Variants in IMMP2L observed in about 807,000 individuals in gnomAD.
IMMP2L encodes the protein mitochondrial inner membrane protease subunit 2.
In IMMP2L, 18 loss-of-function variants were observed where a neutral mutation model predicts 19.3. The observed-to-expected ratio is 0.93, with a 90% CI of 0.64 to 1.38. The LOEUF (loss-of-function observed/expected upper bound fraction) is 1.38, where lower values mean the gene tolerates loss of function less well. Among genes scored for constraint, IMMP2L ranks in the 40% most tolerant of loss-of-function variants. The pLI is 0.00. For synonymous variants in IMMP2L, 76 were observed against 73.0 expected (o/e 1.04, Z -0.21); for missense variants, 233 against 218.2 (o/e 1.07, Z -0.43).
intron 3 of IMMP2L, among the ~76,000 whole-genome samples, chr7:111,038,007 T>C (rs1234772710): frequency 1.3e-5 from 2 of 152,170 alleles, no homozygotes; most frequent in Non-Finnish European, 2.9e-5. Context: ...CTCTGTCCCA[T>C]AGGCCAGTGT....
At chr7:111,477,174 A>G (rs570191010) in intron 3 of IMMP2L, among the ~76,000 whole-genome samples, 56 of 152,266 alleles carry the variant, frequency 3.7e-4, no homozygotes, top group African/African-American at 1.3e-3. Flanking sequence ...TAATATTTAT[A>G]TATCCATTTC....
chr7:111,551,985 G>C (rs550392515), intron 1 of IMMP2L, among the ~76,000 whole-genome samples: 2 of 152,256 alleles, frequency 1.3e-5, no homozygotes, highest in African/African-American at 4.8e-5. Flanking sequence ...AGATGCTCTA[G>C]AATGAAACCT....
At chr7:111,143,790 A>G (rs1803184487) in intron 3 of IMMP2L, among the ~76,000 whole-genome samples, 1 of 152,140 alleles carries the variant, frequency 6.6e-6, no homozygotes, top group African/African-American at 2.4e-5. Flanking sequence ...TCTACGTGAG[A>G]AAATGCATTC....
intron 5 of IMMP2L, among the ~76,000 whole-genome samples, chr7:110,880,826 G>A (rs1488377463): frequency 2.0e-5 from 3 of 151,882 alleles, no homozygotes; most frequent in Non-Finnish European, 4.4e-5. Context: ...GTAATTAAAC[G>A]GCCCAAAGGA....
At chr7:111,200,285 A>G (rs115415939) in intron 3 of IMMP2L, among the ~76,000 whole-genome samples, 1 of 152,254 alleles carries the variant, frequency 6.6e-6, no homozygotes, top group African/African-American at 2.4e-5. Flanking sequence ...AGCATAATCT[A>G]ATCTTTCAAA....
At chr7:110,800,563 G>A (rs1801171890) in intron 5 of IMMP2L, among the ~76,000 whole-genome samples, 3 of 152,148 alleles carry the variant, frequency 2.0e-5, no homozygotes, top group South Asian at 4.1e-4. Flanking sequence ...TAAGAAGAAG[G>A]AATCATAGTT....
chr7:110,714,374 A>G (rs4730449), intron 5 of IMMP2L, among the ~76,000 whole-genome samples: 31,878 of 152,128 alleles, frequency 0.21, 3,552 homozygotes, highest in Admixed American at 0.26. Flanking sequence ...AGCATAGGCA[A>G]TGAGTTTCTC....
At chr7:111,243,762 C>A (rs374376292) in intron 3 of IMMP2L, among the ~76,000 whole-genome samples, 1 of 65,626 alleles carries the variant, frequency 1.5e-5, no homozygotes, top group African/African-American at 6.3e-5. Context: ...TGAGAATATG[C>A]GGTGTTTGGT....
chr7:111,131,025 T>A (rs1057317515), intron 3 of IMMP2L, among the ~76,000 whole-genome samples: 1 of 151,966 alleles, frequency 6.6e-6, no homozygotes, highest in Non-Finnish European at 1.5e-5. Flanking sequence ...TTAAAAAAAA[T>A]TACATATAAA....
At chr7:111,317,505 A>G (rs2130423781) in intron 3 of IMMP2L, among the ~76,000 whole-genome samples, 1 of 152,256 alleles carries the variant, frequency 6.6e-6, no homozygotes, top group South Asian at 2.1e-4. Context: ...GATATTCAGT[A>G]TTTTGAAGAT....
rs1351053610 is a variant in IMMP2L at position 110,760,863 on chromosome 7, T to G, written c.409-97142A>C. 6.6e-6 allele frequency among the ~76,000 whole-genome samples: 1 copy of G among 152,190 alleles called. No individual in the cohort carries two copies. The highest frequency in any genetic ancestry group is 2.4e-5 in the African/African-American group (1 of 41,546). ...GCACCTCACAAAGGTCATGCAGACC[T>G]TAGAGGAAATTATGGCCCAACAAGC... On this transcript the variant is annotated intron_variant, in intron 5 of 5. Transcript: ENST00000405709. This position sits in a 1 kb window ranked among gnomAD's most constrained non-coding sequence, Gnocchi z 4.2.
intron 3 of IMMP2L, among the ~76,000 whole-genome samples, chr7:111,304,360 A>G (rs1822593100): frequency 6.6e-6 from 1 of 151,956 alleles, no homozygotes; most frequent in African/African-American, 2.4e-5. Context: ...AAAATATATG[A>G]ATGGAGGTAA....
chr7:111,377,038 A>G (rs1209492412), intron 3 of IMMP2L, among the ~76,000 whole-genome samples: 1 of 152,026 alleles, frequency 6.6e-6, no homozygotes, highest in African/African-American at 2.4e-5. Context: ...TGGGTGAATC[A>G]TATGGTATAT....
intron 3 of IMMP2L, among the ~76,000 whole-genome samples, chr7:111,236,203 T>A (rs1241356015): frequency 2.0e-5 from 3 of 152,116 alleles, no homozygotes; most frequent in Admixed American, 2.0e-4. Context: ...TCCTGTGTCT[T>A]TGCATTAAAA....
intron 1 of IMMP2L, among the ~76,000 whole-genome samples, chr7:111,555,845 T>C (rs1169934494): frequency 6.6e-6 from 1 of 151,516 alleles, no homozygotes; most frequent in Non-Finnish European, 1.5e-5. Context: ...TCAAGATGGC[T>C]ACTACCAAAT....
chr7:111,305,090 G>A (rs949693698), intron 3 of IMMP2L, among the ~76,000 whole-genome samples: 1 of 151,950 alleles, frequency 6.6e-6, no homozygotes, highest in African/African-American at 2.4e-5. Context: ...TTTTTGATGA[G>A]GTAGGTTGTT....
chr7:111,463,453 G>C (rs1229821494), intron 3 of IMMP2L, among the ~76,000 whole-genome samples: 1 of 151,974 alleles, frequency 6.6e-6, no homozygotes, highest in Non-Finnish European at 1.5e-5. Context: ...TTAATTTCTA[G>C]CTTCAAGTTG....
intron 1 of IMMP2L, among the ~76,000 whole-genome samples, chr7:111,528,685 A>G (rs1442632485): frequency 1.3e-5 from 2 of 152,224 alleles, no homozygotes; most frequent in Admixed American, 6.5e-5. Flanking sequence ...AAAGTCACCA[A>G]TCACTCATCC....
At chr7:111,511,234 G>C (rs1845407169) in intron 2 of IMMP2L, among the ~76,000 whole-genome samples, 1 of 152,056 alleles carries the variant, frequency 6.6e-6, no homozygotes, top group South Asian at 2.1e-4. Flanking sequence ...CTAGAGGCTA[G>C]GAACCACAGG....
Sources: gnomAD v4.1 joint callset for allele counts (sites outside exome capture counted in the v4.1 genomes callset) on GRCh38, gnomAD v4.1.1 for gene constraint, Gnocchi (gnomAD v3.1) non-coding constraint, MANE v1.5 for transcripts, NCBI Gene and HGNC (gene_info 2026-07-23, HGNC 2026-07-21) for gene names.